Variants in NCKAP1 observed in about 807,000 individuals in gnomAD.
NCKAP1 encodes the protein NCK associated protein 1.
NCKAP1 carries 21 observed loss-of-function variants against 151.2 expected under a neutral mutation model. That is an observed-to-expected ratio of 0.14 (90% CI 0.10 to 0.20). The LOEUF is 0.20. Ranked by LOEUF, NCKAP1 falls within the 10% of genes least tolerant of loss-of-function variation. The pLI, the probability that NCKAP1 is intolerant of heterozygous loss-of-function variation, is 1.00. For synonymous variants in NCKAP1, 484 were observed against 451.8 expected (o/e 1.07, Z -0.90); for missense variants, 933 against 1,352.1 (o/e 0.69, Z 4.86).
chr2:183,012,981 C>T (rs1698617998), intron 2 of NCKAP1, among the ~76,000 whole-genome samples: 1 of 151,038 alleles, frequency 6.6e-6, no homozygotes, highest in Non-Finnish European at 1.5e-5. Context: ...ACTGCCTTGC[C>T]CTTCCCTCCC....
chr2:182,994,973 T>C (rs185776510), intron 7 of NCKAP1, 86 bp from the exon 8 acceptor site: 24 of 1,085,482 alleles, frequency 2.2e-5, no homozygotes, highest in Middle Eastern at 5.1e-4. Context: ...TTTCTCCTGA[T>C]AACTTACTAC....
In NCKAP1 at chr2:182,952,881, T is replaced by C. The variant is rs1428444082; in HGVS notation, c.2415A>G (p.Ile805Met). The change falls in exon 22 of 31, where the codon ATA becomes ATG. Residue 805 changes from isoleucine (I) to methionine (M), a missense_variant. By Grantham distance (10) the Ile-to-Met change is conservative. Around this residue, in one of 2 missense-constraint regions of NCKAP1, gnomAD observed 326 missense variants for 557.1 expected, o/e 0.59. Coordinates refer to ENST00000361354, the MANE Select transcript of NCKAP1 (RefSeq NM_013436.5). The stretch of plus-strand genomic sequence containing the variant: ...ACGCTTTCATTGCAGGAAAATATGC[T>C]ATATGGCCATTGCTGACTTGTCGTA... ...TLLRQVSNGH[I>M]AYFPAMKAFV... 4 of 1,612,032 alleles carry C rather than the reference T, an allele frequency of 2.5e-6. No homozygotes were observed. Among genetic ancestry groups the C allele is most frequent in the Non-Finnish European group, 3.4e-6 (4 of 1,179,154 alleles).
At chr2:183,032,137 T>G (rs1412406563) in intron 1 of NCKAP1, among the ~76,000 whole-genome samples, 3 of 152,216 alleles carry the variant, frequency 2.0e-5, no homozygotes, top group Admixed American at 2.0e-4. Flanking sequence ...GATTCTATTA[T>G]GTATCCCTGG....
At chr2:183,024,671 T>C (rs1698863171) in intron 1 of NCKAP1, among the ~76,000 whole-genome samples, 1 of 152,362 alleles carries the variant, frequency 6.6e-6, no homozygotes, top group South Asian at 2.1e-4. Context: ...GAATATAATC[T>C]TGAATACTGT....
At chr2:182,998,076 C>A (rs758474217) in intron 6 of NCKAP1, among the ~76,000 whole-genome samples, 45 of 152,210 alleles carry the variant, frequency 3.0e-4, no homozygotes, top group Non-Finnish European at 5.1e-4. Flanking sequence ...TTTTAAAACA[C>A]CATATGATCA....
At chr2:183,035,008 A>C (rs1167918042) in intron 1 of NCKAP1, among the ~76,000 whole-genome samples, 1 of 152,066 alleles carries the variant, frequency 6.6e-6, no homozygotes, top group Non-Finnish European at 1.5e-5. Flanking sequence ...TCCCACCACC[A>C]CACAAGTTGC....
In NCKAP1 at chr2:182,971,190, C is replaced by T. The variant is rs952938899; in HGVS notation, c.1483-3829G>A. ...CGGGCGGATCACGAGGTCAGGAGAT[C>T]GAGACCATCCCGGCTAAAACGGTGA... is the stretch of plus-strand genomic sequence containing the variant. On this transcript the variant is annotated intron_variant, in intron 15 of 30. Transcript: ENST00000361354. Among the ~76,000 whole-genome samples, 14 of 151,368 alleles carry T rather than the reference C, an allele frequency of 9.2e-5. No individual in the cohort carries two copies. In the East Asian group the frequency reaches 2.1e-3, roughly 23 times the overall value.
At chr2:182,990,426 A>C (rs1355853958) in intron 8 of NCKAP1, among the ~76,000 whole-genome samples, 1 of 152,202 alleles carries the variant, frequency 6.6e-6, no homozygotes, top group Non-Finnish European at 1.5e-5. Context: ...AGCCCCAATT[A>C]TTCATCCTTA....
At chr2:183,007,633 A>G (rs983946452) in intron 2 of NCKAP1, among the ~76,000 whole-genome samples, 1 of 152,182 alleles carries the variant, frequency 6.6e-6, no homozygotes, top group Non-Finnish European at 1.5e-5. Context: ...TATTTTTCTT[A>G]ATCTAAGTTT....
chr2:182,932,390 A>C (rs1158535569), intron 26 of NCKAP1, among the ~76,000 whole-genome samples: 3 of 152,172 alleles, frequency 2.0e-5, no homozygotes, highest in Admixed American at 1.3e-4. Context: ...TGATTTATGT[A>C]AGTGTCCAAA....
chr2:183,010,625 T>G (rs1450954758), intron 2 of NCKAP1, among the ~76,000 whole-genome samples: 17 of 152,250 alleles, frequency 1.1e-4, no homozygotes, highest in Admixed American at 1.1e-3. Flanking sequence ...CACATTAATG[T>G]GCCTCAGCTA....
chr2:182,938,873 AAGG>A (rs907780663), intron 24 of NCKAP1, among the ~76,000 whole-genome samples: 3 of 152,206 alleles, frequency 2.0e-5, no homozygotes, highest in Admixed American at 2.0e-4. Flanking sequence ...GAGCCAGAAC[AAGG>A]AGTTCAATAG....
rs1305992166 is a variant in NCKAP1 at position 182,919,964 on chromosome 2, G to C, written c.*5738C>G. The C allele has an allele frequency of 6.6e-6, 1 of 151,922 alleles. No individual in the cohort carries two copies. Among genetic ancestry groups the C allele is most frequent in the Non-Finnish European group, 1.5e-5 (1 of 68,058 alleles). 9.4% of individuals were successfully genotyped at this position (151,922 alleles called of 1,614,324 possible). On this transcript the variant is annotated 3_prime_UTR_variant, in exon 31 of 31. Coordinates refer to ENST00000361354, the MANE Select transcript of NCKAP1 (RefSeq NM_013436.5). ...ACCGCGTCTGGCCTTAATTATTATC[G>C]AGACCGGCTCTTGCTCTGTCACCTA... is the stretch of plus-strand genomic sequence containing the variant.
intron 1 of NCKAP1, among the ~76,000 whole-genome samples, chr2:183,028,864 A>G (rs537339503): frequency 6.6e-6 from 1 of 152,266 alleles, no homozygotes; most frequent in South Asian, 2.1e-4. Flanking sequence ...CTGTAATCCC[A>G]GCACTTTGGG....
rs1696463297 is a variant in NCKAP1, at chr2:182,916,149, G to A, written c.*9553C>T. On this transcript the variant is annotated 3_prime_UTR_variant, in exon 31 of 31. Transcript: ENST00000361354. The stretch of plus-strand genomic sequence containing the variant: ...CCCTCTGCCATGTAAGAAGTACCTT[G>A]CTTCCCCTTCGCCTTCTGTCAAAAA... 8.3e-6 allele frequency: 1 copy of A among 120,284 alleles called. No individual in the cohort carries two copies. Among genetic ancestry groups the A allele is most frequent in the Non-Finnish European group, 1.7e-5 (1 of 60,458 alleles). The allele number at this position is 120,284 out of a possible 1,614,324, so 7.5% of individuals were successfully genotyped here.
At position 182,928,796 on chromosome 2, in the gene NCKAP1, G is replaced by A; in HGVS notation, c.3057C>T (p.Ser1019=). The change falls in exon 28 of 31, where the codon AGC becomes AGT. Residue 1019 remains serine, a synonymous_variant. Coordinates refer to ENST00000361354, the MANE Select transcript of NCKAP1 (RefSeq NM_013436.5). Reference sequence around the variant, plus strand: ...AACCACTATTACCTTCTATAGCAGGGCTGTACTGAGACATCACATTACTGG... The same window carrying A: ...AACCACTATTACCTTCTATAGCAGGACTGTACTGAGACATCACATTACTGG... The part of the protein sequence containing the change: ...TLASNVMSQY[S]PAIEGHCNNI... 2 of 1,602,454 alleles carry A rather than the reference G, an allele frequency of 1.2e-6. No individual in the cohort carries two copies. Among genetic ancestry groups the A allele is most frequent in the East Asian group, 2.2e-5 (1 of 44,672 alleles).
At chr2:182,959,320 G>T (rs896537854) in intron 18 of NCKAP1, among the ~76,000 whole-genome samples, 3 of 152,080 alleles carry the variant, frequency 2.0e-5, no homozygotes, top group African/African-American at 7.2e-5. Context: ...AAGAGACAGA[G>T]CTACTAGAAA....
Position 182,967,303 on chromosome 2 carries a change from T to A in NCKAP1, c.1541A>T (p.Lys514Met). 1.2e-6 allele frequency: 2 copies of A among 1,612,362 alleles called. No homozygotes were observed. The highest frequency in any genetic ancestry group is 1.7e-6 in the Non-Finnish European group (2 of 1,179,000). Residue 514 changes from lysine (K) to methionine (M), a missense_variant, in exon 16 of 31, where the codon AAG becomes ATG. Coordinates refer to ENST00000361354, the MANE Select transcript of NCKAP1 (RefSeq NM_013436.5). Reference protein sequence around the residue: ...LGLADHRELGKMMNTIIFHTK... With the variant: ...LGLADHRELGMMMNTIIFHTK... ...ATGAAAAATTATTGTATTCATCATC[T>A]TTCCAAGTTCTCTGTGATCTGCAAG... is the stretch of plus-strand genomic sequence containing the variant.
rs762560504 is a variant in NCKAP1, at chr2:182,952,450, A to G, written c.2556T>C (p.Ser852=). Residue 852 remains serine (S), a synonymous_variant, in exon 23 of 31, where the codon AGT becomes AGC. Transcript: ENST00000361354. ...ATGAAATATGCCACATAAGGCTTTC[A>G]CTTAGAAACTTCATACCATATGGGC... ...LLGPYGMKFL[S]ESLMWHISSQ... is the part of the protein sequence containing the mutation. 8 of 1,611,492 alleles carry G rather than the reference A, an allele frequency of 5.0e-6. No individual in the cohort carries two copies. In the Admixed American group the frequency reaches 1.3e-4, roughly 27 times the overall value.
Sources: gnomAD v4.1 joint callset for allele counts (sites outside exome capture counted in the v4.1 genomes callset) on GRCh38, gnomAD v4.1.1 for gene constraint, gnomAD v4.1.1 regional missense constraint, MANE v1.5 for transcripts, NCBI Gene and HGNC (gene_info 2026-07-23, HGNC 2026-07-21) for gene names.